SCAF8: variants seen among roughly 807,000 people sequenced by gnomAD.
The protein encoded by SCAF8 is SR-related CTD associated factor 8, also known as SR-related and CTD-associated factor 8.
A neutral mutation model predicts 140.5 loss-of-function variants in SCAF8; 23 were observed. The ratio of observed to expected loss-of-function variants is 0.16; its 90% CI spans 0.12 to 0.23. The LOEUF (loss-of-function observed/expected upper bound fraction) is 0.23, where lower values mean the gene tolerates loss of function less well. SCAF8 is among the 10% of genes least tolerant of loss of function. The probability of loss-of-function intolerance (pLI) is 1.00; values close to 1 mark genes in which losing one functional copy is unlikely to be tolerated. For synonymous variants in SCAF8, 575 were observed against 528.9 expected, an observed-to-expected ratio of 1.09 and a Z score of -1.20; for missense variants, 1,397 against 1,555.7, an observed-to-expected ratio of 0.90 and a Z score of 1.72.
chr6:154,740,107 T>C (rs548901276), intron 1 of SCAF8, among the ~76,000 whole-genome samples: 154 of 152,322 alleles, frequency 1.0e-3, no homozygotes, highest in African/African-American at 3.5e-3. Flanking sequence ...TCTTTTTACC[T>C]TGTGAAAGTC....
chr6:154,832,118 A>C lies in SCAF8; in HGVS notation c.2539A>C (p.Asn847His). ...TGGGATTATTGCAGCCCAACCACCA[A>C]ATATTCTAAATAACTCTGGAATATT... The part of the protein sequence containing the change: ...SSGIIAAQPP[N>H]ILNNSGILGI... Residue 847 changes from asparagine (N) to histidine (H), a missense_variant, in exon 20 of 20, where the codon AAT (asparagine) becomes CAT (histidine). By Grantham distance (68) the Asn-to-His change is moderately conservative. This residue lies in a region of SCAF8 where 930 missense variants were observed against 874.6 expected (regional missense o/e 1.06). Transcript: ENST00000367178. 6.2e-7 allele frequency: 1 copy of C among 1,614,084 alleles called. No homozygotes were observed.
At chr6:154,738,195 C>CAAAAA (rs555772506) in intron 1 of SCAF8, among the ~76,000 whole-genome samples, 1 of 119,528 alleles carries the variant, frequency 8.4e-6, no homozygotes, top group Non-Finnish European at 1.8e-5. Context: ...GACTCTGCTT[C>CAAAAA]AAAAAAAAAA....
chr6:154,818,830 T>C (rs1196861303), intron 14 of SCAF8, among the ~76,000 whole-genome samples: 1 of 152,246 alleles, frequency 6.6e-6, no homozygotes, highest in African/African-American at 2.4e-5. Context: ...ACGAGAACTT[T>C]AGTCAATTAC....
In SCAF8 at chr6:154,789,823, G is replaced by A. The variant is rs572114497; in HGVS notation, c.321+1801G>A. Among the ~76,000 whole-genome samples, 393 of 152,314 alleles carry A rather than the reference G, an allele frequency of 2.6e-3. 3 individuals are homozygous for A. Among genetic ancestry groups the A allele is most frequent in the Non-Finnish European group, 4.5e-3 (309 of 68,030 alleles). On this transcript the variant is annotated intron_variant, in intron 4 of 19. Coordinates refer to ENST00000367178, the MANE Select transcript of SCAF8 (RefSeq NM_014892.5). ...GCCTCCCAAAGTGCTGGGATTACAG[G>A]CGTGAGCCACCGCGCCTGGCCTAGA...
intron 9 of SCAF8, among the ~76,000 whole-genome samples, chr6:154,806,250 T>C (rs962220779): frequency 2.6e-5 from 4 of 152,186 alleles, no homozygotes; most frequent in Non-Finnish European, 4.4e-5. Flanking sequence ...TGATAAAATA[T>C]GTTAAGTTGT....
chr6:154,781,965 G>T (rs1002753573), intron 3 of SCAF8, among the ~76,000 whole-genome samples: 1 of 152,156 alleles, frequency 6.6e-6, no homozygotes, highest in Non-Finnish European at 1.5e-5. Context: ...AGTCATGAAA[G>T]ATTTATGGAG....
chr6:154,810,222 A>G lies in SCAF8; in HGVS notation c.1420+14A>G, dbSNP rs1025933717. The G allele has an allele frequency of 1.3e-6, 2 of 1,548,136 alleles. No homozygotes were observed. Among genetic ancestry groups the G allele is most frequent in the Non-Finnish European group, 1.8e-6 (2 of 1,138,918 alleles). On this transcript the variant is annotated intron_variant, in intron 12 of 19. Coordinates refer to ENST00000367178, the MANE Select transcript of SCAF8 (RefSeq NM_014892.5). ...AAACACTAAGTGGTAAGTAACATAT[A>G]TCTGCAACGCTTTGGTTTCAATTAA...
intron 3 of SCAF8, among the ~76,000 whole-genome samples, chr6:154,779,757 A>AGG (rs1281293589): frequency 7.0e-5 from 9 of 128,290 alleles, no homozygotes; most frequent in Admixed American, 1.7e-4. Flanking sequence ...GGTTAAAATA[A>AGG]GGTGTGTGTG....
At chr6:154,811,207 G>C (rs1392769312) in intron 12 of SCAF8, among the ~76,000 whole-genome samples, 2 of 152,098 alleles carry the variant, frequency 1.3e-5, no homozygotes, top group African/African-American at 2.4e-5. Context: ...TTTAGTGCTG[G>C]CTGATAAAAG....
chr6:154,784,869 C>T (rs926080973), intron 3 of SCAF8, among the ~76,000 whole-genome samples: 1 of 152,068 alleles, frequency 6.6e-6, no homozygotes, highest in African/African-American at 2.4e-5. Context: ...ACAACATATA[C>T]AGCCAAATTT....
chr6:154,775,283 GAA>G (rs998048749), intron 2 of SCAF8, among the ~76,000 whole-genome samples: 2 of 152,146 alleles, frequency 1.3e-5, no homozygotes, highest in African/African-American at 4.8e-5. Context: ...TTGAAGCCAG[GAA>G]ATGTTTCAAA....
At chr6:154,805,728 T>C (rs1028530109) in intron 9 of SCAF8, among the ~76,000 whole-genome samples, 2 of 152,084 alleles carry the variant, frequency 1.3e-5, no homozygotes, top group African/African-American at 4.8e-5. Context: ...CAAATTGTGT[T>C]CTGGTAACTT....
intron 5 of SCAF8, among the ~76,000 whole-genome samples, chr6:154,793,233 A>AT (rs1273692914): frequency 6.6e-6 from 1 of 152,078 alleles, no homozygotes; most frequent in Non-Finnish European, 1.5e-5. Flanking sequence ...TGTCAATTAG[A>AT]TTTTTCCTGA....
intron 1 of SCAF8, among the ~76,000 whole-genome samples, chr6:154,758,150 A>G (rs1583008161): frequency 1.3e-5 from 2 of 152,084 alleles, no homozygotes; most frequent in African/African-American, 4.8e-5. Context: ...GGTCTCAAGC[A>G]GTCTGCCTGC....
chr6:154,739,824 C>T (rs1038710515), intron 1 of SCAF8, among the ~76,000 whole-genome samples: 1 of 152,070 alleles, frequency 6.6e-6, no homozygotes, highest in Non-Finnish European at 1.5e-5. Context: ...AACTATAGGA[C>T]TTTTTATAAT....
At chr6:154,794,909 A>C (rs1211469514) in intron 5 of SCAF8, 100 bp from the exon 6 acceptor site, 1 of 1,071,082 alleles carries the variant, frequency 9.3e-7, no homozygotes, top group Non-Finnish European at 1.3e-6. Flanking sequence ...ATATGCGTGC[A>C]TGTGTTTTAT....
chr6:154,736,687 T>G (rs1173312682), intron 1 of SCAF8, among the ~76,000 whole-genome samples: 1 of 152,212 alleles, frequency 6.6e-6, no homozygotes, highest in Non-Finnish European at 1.5e-5. Flanking sequence ...GTTTTAATAT[T>G]AATTAAGGAT....
At chr6:154,807,038 C>A (rs963480709) in intron 9 of SCAF8, among the ~76,000 whole-genome samples, 1 of 152,176 alleles carries the variant, frequency 6.6e-6, no homozygotes. Flanking sequence ...ATAAATGTAA[C>A]ACTTTGTGAA....
chr6:154,771,679 A>G (rs1031921492), intron 1 of SCAF8, among the ~76,000 whole-genome samples: 1 of 152,158 alleles, frequency 6.6e-6, no homozygotes, highest in African/African-American at 2.4e-5. Flanking sequence ...AGTGAGAGTT[A>G]GGCATTGGGT....
Sources: gnomAD v4.1 joint callset for allele counts (sites outside exome capture counted in the v4.1 genomes callset) on GRCh38, gnomAD v4.1.1 for gene constraint, gnomAD v4.1.1 regional missense constraint, MANE v1.5 for transcripts, NCBI Gene and HGNC (gene_info 2026-07-23, HGNC 2026-07-21) for gene names.